HS3ST4: variants seen among roughly 807,000 people sequenced by gnomAD.
HS3ST4 encodes the protein heparan sulfate glucosamine 3-O-sulfotransferase 4.
A neutral mutation model predicts 29.2 loss-of-function variants in HS3ST4; 17 were observed. The ratio of observed to expected loss-of-function variants is 0.58; its 90% CI spans 0.40 to 0.87. The LOEUF is 0.87. HS3ST4 is among the 40% of genes least tolerant of loss of function. The pLI is 0.00. For missense variants in HS3ST4, 627 were observed against 634.5 expected (o/e 0.99, Z 0.13); for synonymous variants, 314 against 285.7 (o/e 1.10, Z -1.00).
chr16:25,893,139 C>T (rs181271833), intron 1 of HS3ST4, among the ~76,000 whole-genome samples: 1 of 152,094 alleles, frequency 6.6e-6, no homozygotes, highest in African/African-American at 2.4e-5. Context: ...CCTGAAAAGA[C>T]CAGAGGCAGG....
chr16:26,075,693 T>C (rs1898654101), intron 1 of HS3ST4, among the ~76,000 whole-genome samples: 1 of 152,206 alleles, frequency 6.6e-6, no homozygotes. Flanking sequence ...GGTATAAATA[T>C]GCTTGGAATC....
chr16:25,788,415 C>CAA (rs11384547), intron 1 of HS3ST4, among the ~76,000 whole-genome samples: 1,733 of 143,038 alleles, frequency 0.012, 37 homozygotes, highest in Admixed American at 0.033. Flanking sequence ...AATTCTGTCT[C>CAA]AAAAAAAAAA....
chr16:25,737,684 C>G lies in HS3ST4; in HGVS notation c.734+44533C>G, dbSNP rs775977076. On this transcript the variant is annotated intron_variant, in intron 1 of 1. Transcript: ENST00000331351. ...TACACCAAAAGCCCAGAAGTCACCA[C>G]TATGCAATATATTCATGTAACACAA... 5.3e-5 allele frequency among the ~76,000 whole-genome samples: 8 copies of G among 152,254 alleles called. No individual in the cohort carries two copies. The East Asian group carries it at 1.2e-3, about 22-fold the overall frequency.
intron 1 of HS3ST4, among the ~76,000 whole-genome samples, chr16:25,721,043 C>T (rs999215057): frequency 6.6e-6 from 1 of 152,270 alleles, no homozygotes; most frequent in Admixed American, 6.5e-5. Flanking sequence ...GTTAGGTAGG[C>T]AAGTAACAGT....
chr16:25,760,423 GTTT>G (rs386384530), intron 1 of HS3ST4, among the ~76,000 whole-genome samples: 1 of 139,444 alleles, frequency 7.2e-6, no homozygotes. Flanking sequence ...ATGACTCCAT[GTTT>G]TTTTTTTTTT....
chr16:25,915,598 G>A (rs1968286174), intron 1 of HS3ST4, among the ~76,000 whole-genome samples: 1 of 152,110 alleles, frequency 6.6e-6, no homozygotes, highest in Non-Finnish European at 1.5e-5. Flanking sequence ...CATCATATCA[G>A]ACCAGGCTGG....
intron 1 of HS3ST4, among the ~76,000 whole-genome samples, chr16:25,707,889 G>C (rs908585726): frequency 6.6e-6 from 1 of 152,116 alleles, no homozygotes; most frequent in African/African-American, 2.4e-5. Flanking sequence ...CTTATCCTCA[G>C]GGTGGCTTTT....
chr16:25,934,929 T>C (rs943034469), intron 1 of HS3ST4, among the ~76,000 whole-genome samples: 1 of 152,196 alleles, frequency 6.6e-6, no homozygotes, highest in African/African-American at 2.4e-5. Flanking sequence ...AATCTCATCT[T>C]GAATTGTAAT....
chr16:26,087,435 GA>G (rs1348884216), intron 1 of HS3ST4, among the ~76,000 whole-genome samples: 4 of 152,118 alleles, frequency 2.6e-5, no homozygotes. Flanking sequence ...CCTCCTAATG[GA>G]ACCTAATGGA....
intron 1 of HS3ST4, among the ~76,000 whole-genome samples, chr16:25,925,924 G>T (rs1239765322): frequency 6.6e-6 from 1 of 152,002 alleles, no homozygotes; most frequent in East Asian, 1.9e-4. Flanking sequence ...TATTAGGCAA[G>T]TTGTACTCCC....
At chr16:26,027,360 C>T (rs966339108) in intron 1 of HS3ST4, among the ~76,000 whole-genome samples, 1 of 152,300 alleles carries the variant, frequency 6.6e-6, no homozygotes. Flanking sequence ...TACTTACATT[C>T]CATCTTAAAA....
intron 1 of HS3ST4, among the ~76,000 whole-genome samples, chr16:25,698,520 C>T (rs897876936): frequency 6.6e-6 from 1 of 152,192 alleles, no homozygotes; most frequent in African/African-American, 2.4e-5. Context: ...TATTTGACAT[C>T]GCTTAGCTTC....
chr16:25,900,879 C>T (rs1160321448), intron 1 of HS3ST4, among the ~76,000 whole-genome samples: 1 of 152,060 alleles, frequency 6.6e-6, no homozygotes, highest in East Asian at 1.9e-4. Flanking sequence ...TTAATGTAGT[C>T]CTAGATTACA....
At chr16:26,065,167 T>C (rs1898527675) in intron 1 of HS3ST4, among the ~76,000 whole-genome samples, 2 of 152,210 alleles carry the variant, frequency 1.3e-5, no homozygotes, top group East Asian at 3.9e-4. Context: ...TAAAGACACA[T>C]GCATGCATAT....
rs932082008 is a variant in HS3ST4 at position 26,125,752 on chromosome 16, G to C, written c.735-9860G>C. 2.0e-5 allele frequency among the ~76,000 whole-genome samples: 3 copies of C among 152,096 alleles called. No individual in the cohort carries two copies. In the South Asian group the frequency reaches 6.2e-4, roughly 32 times the overall value. On this transcript the variant is annotated intron_variant, in intron 1 of 1. Coordinates refer to ENST00000331351, the MANE Select transcript of HS3ST4 (RefSeq NM_006040.3). The stretch of plus-strand genomic sequence containing the variant: ...TCCCTCCTAAAATCCTTCGCTCATC[G>C]CCTGGCTGGGGACAGAAATAGGGCC...
chr16:25,850,353 A>G (rs1049115217), intron 1 of HS3ST4, among the ~76,000 whole-genome samples: 2 of 151,722 alleles, frequency 1.3e-5, no homozygotes, highest in Admixed American at 6.6e-5. Context: ...CTGGGAAAAA[A>G]CCCCACATCC....
intron 1 of HS3ST4, among the ~76,000 whole-genome samples, chr16:25,704,369 T>C (rs895290640): frequency 6.6e-6 from 1 of 152,088 alleles, no homozygotes; most frequent in African/African-American, 2.4e-5. Context: ...CCTCATGAAG[T>C]AGATGTTTTC....
intron 1 of HS3ST4, among the ~76,000 whole-genome samples, chr16:26,031,461 C>T (rs1291253789): frequency 6.6e-6 from 1 of 152,080 alleles, no homozygotes; most frequent in African/African-American, 2.4e-5. Context: ...TGTATTCCAG[C>T]CAGGGAGGGA....
chr16:25,833,736 C>G (rs1967329653), intron 1 of HS3ST4, among the ~76,000 whole-genome samples: 1 of 152,096 alleles, frequency 6.6e-6, no homozygotes. Context: ...TGCATGAGCT[C>G]CATTTTGGAT....
Sources: gnomAD v4.1 joint callset for allele counts (sites outside exome capture counted in the v4.1 genomes callset) on GRCh38, gnomAD v4.1.1 for gene constraint, MANE v1.5 for transcripts, NCBI Gene and HGNC (gene_info 2026-07-23, HGNC 2026-07-21) for gene names.